MIPOL1: variants seen among roughly 807,000 people sequenced by gnomAD.
MIPOL1 encodes the protein mirror-image polydactyly gene 1 protein.
MIPOL1 carries 57 observed loss-of-function variants against 60.9 expected under a neutral mutation model. The ratio of observed to expected loss-of-function variants is 0.94; its 90% CI spans 0.76 to 1.17. MIPOL1 has a LOEUF of 1.17. MIPOL1 is among the 50% of genes most tolerant of loss of function. The pLI is 0.00. For missense variants in MIPOL1, 551 were observed against 511.6 expected (o/e 1.08, Z -0.74); for synonymous variants, 179 against 168.8 (o/e 1.06, Z -0.47).
intron 1 of MIPOL1, among the ~76,000 whole-genome samples, chr14:37,235,542 T>G (rs972541374): frequency 2.0e-5 from 3 of 152,148 alleles, no homozygotes; most frequent in African/African-American, 7.2e-5. Context: ...AGAGGACTAT[T>G]TATTAATCAC....
At chr14:37,461,768 G>T (rs2094541676) in intron 11 of MIPOL1, among the ~76,000 whole-genome samples, 1 of 152,166 alleles carries the variant, frequency 6.6e-6, no homozygotes, top group Non-Finnish European at 1.5e-5. Context: ...GCTCCAAAAT[G>T]ATCTCCTTTG....
intron 11 of MIPOL1, among the ~76,000 whole-genome samples, chr14:37,428,819 C>T (rs1335892129): frequency 6.6e-6 from 1 of 151,948 alleles, no homozygotes; most frequent in Non-Finnish European, 1.5e-5. Context: ...ATTTTGAGTG[C>T]TAAGAAAATG....
intron 11 of MIPOL1, among the ~76,000 whole-genome samples, chr14:37,442,087 G>GTT (rs1311533854): frequency 3.7e-5 from 4 of 109,096 alleles, no homozygotes; most frequent in African/African-American, 7.5e-5. Context: ...TTTCTACTTT[G>GTT]TTGTGTGTGT....
chr14:37,422,719 A>C (rs1253995977), intron 10 of MIPOL1, 136 bp from the exon 11 acceptor site: 4 of 595,202 alleles, frequency 6.7e-6, no homozygotes, highest in Non-Finnish European at 8.9e-6. Context: ...CTGGTAACTT[A>C]TGAGACACTG....
chr14:37,372,153 A>T (rs991219023), intron 10 of MIPOL1, among the ~76,000 whole-genome samples: 3 of 151,990 alleles, frequency 2.0e-5, no homozygotes, highest in African/African-American at 4.8e-5. Context: ...TGAGCAATTC[A>T]TGGTTTATTT....
chr14:37,446,690 A>C (rs572802708), intron 11 of MIPOL1, among the ~76,000 whole-genome samples: 328 of 152,334 alleles, frequency 2.2e-3, no homozygotes, highest in Admixed American at 8.3e-3. Flanking sequence ...TCCAACAATG[A>C]TAGACTGGAT....
intron 1 of MIPOL1, among the ~76,000 whole-genome samples, chr14:37,224,271 G>C (rs1002259462): frequency 3.3e-5 from 5 of 152,100 alleles, no homozygotes; most frequent in African/African-American, 1.2e-4. Flanking sequence ...CTTGAACCCA[G>C]CAGTTTGAGA....
At chr14:37,212,693 A>G (rs531330425) in intron 1 of MIPOL1, among the ~76,000 whole-genome samples, 1 of 152,226 alleles carries the variant, frequency 6.6e-6, no homozygotes, top group African/African-American at 2.4e-5. Flanking sequence ...CCTCCTGCTG[A>G]CTGTAGAGTT....
intron 10 of MIPOL1, among the ~76,000 whole-genome samples, chr14:37,403,367 G>T (rs999217115): frequency 1.3e-4 from 18 of 141,712 alleles, no homozygotes; most frequent in Middle Eastern, 3.5e-3. Context: ...TTATAATTAT[G>T]TAAATGTTGA....
At chr14:37,435,659 T>C (rs148271938) in intron 11 of MIPOL1, among the ~76,000 whole-genome samples, 204 of 152,300 alleles carry the variant, frequency 1.3e-3, no homozygotes, top group African/African-American at 4.5e-3. Context: ...TAACAGCAGG[T>C]TGCCTGGGAA....
chr14:37,295,844 C>G (rs1024412480), intron 7 of MIPOL1, among the ~76,000 whole-genome samples: 9 of 152,132 alleles, frequency 5.9e-5, no homozygotes, highest in Admixed American at 2.0e-4. Flanking sequence ...GACCCCCACA[C>G]AGTAATCATG....
rs769113789 is a variant in MIPOL1 at position 37,422,937 on chromosome 14, G to T, written c.1019G>T (p.Arg340Leu). 1 of 1,600,398 alleles carries T rather than the reference G, an allele frequency of 6.2e-7. No homozygotes were observed. The highest frequency in any genetic ancestry group is 8.5e-7 in the Non-Finnish European group (1 of 1,171,190). Reference protein sequence around the residue: ...KKLEEEIQTLRVYYSLHKSLS... With the variant: ...KKLEEEIQTLLVYYSLHKSLS... ...CTGGAAGAGGAAATCCAGACCCTTC[G>T]AGTTTACTACAGGTAAAATTCTTTT... Residue 340 changes from arginine (R) to leucine (L), a missense_variant, in exon 11 of 13, where the codon CGA becomes CTA. Transcript: ENST00000684589.
intron 10 of MIPOL1, among the ~76,000 whole-genome samples, chr14:37,390,058 A>C (rs2093192051): frequency 6.6e-6 from 1 of 151,942 alleles, no homozygotes; most frequent in African/African-American, 2.4e-5. Context: ...ATATATGTAT[A>C]TATACAAAAA....
intron 10 of MIPOL1, among the ~76,000 whole-genome samples, chr14:37,406,089 T>C (rs978940794): frequency 2.0e-5 from 3 of 152,150 alleles, no homozygotes; most frequent in Admixed American, 2.0e-4. Flanking sequence ...AATTTTATGG[T>C]TAATTTGATA....
intron 9 of MIPOL1, among the ~76,000 whole-genome samples, chr14:37,359,849 A>G (rs1485456655): frequency 6.6e-6 from 1 of 152,154 alleles, no homozygotes; most frequent in Non-Finnish European, 1.5e-5. Flanking sequence ...AGAACTTCCA[A>G]CACTATGTTA....
intron 11 of MIPOL1, among the ~76,000 whole-genome samples, chr14:37,483,251 T>C (rs1172209235): frequency 6.6e-6 from 1 of 150,536 alleles, no homozygotes; most frequent in African/African-American, 2.4e-5. Flanking sequence ...TAGCTGGGAT[T>C]ATGGGCTTAT....
At chr14:37,491,624 A>G (rs1447186710) in intron 11 of MIPOL1, among the ~76,000 whole-genome samples, 1 of 152,248 alleles carries the variant, frequency 6.6e-6, no homozygotes, top group Non-Finnish European at 1.5e-5. Context: ...ACAGATATTT[A>G]GTGAAACCCA....
intron 7 of MIPOL1, among the ~76,000 whole-genome samples, chr14:37,302,814 A>G (rs1368742665): frequency 4.0e-5 from 6 of 151,830 alleles, no homozygotes; most frequent in Non-Finnish European, 8.8e-5. Flanking sequence ...CCCTTTGTCA[A>G]TATCACATAA....
intron 9 of MIPOL1, among the ~76,000 whole-genome samples, chr14:37,314,481 T>G (rs955214398): frequency 6.6e-6 from 1 of 152,144 alleles, no homozygotes; most frequent in Non-Finnish European, 1.5e-5. Context: ...AGTGCATTGG[T>G]CTGTTCTTTT....
Sources: allele counts gnomAD v4.1 joint callset (sites outside exome capture counted in the v4.1 genomes callset), GRCh38; gene constraint gnomAD v4.1.1; transcripts MANE v1.5; gene names NCBI Gene and HGNC (gene_info 2026-07-23, HGNC 2026-07-21).